Variants in OGDH observed in about 807,000 individuals in gnomAD.
The protein encoded by OGDH is oxoglutarate dehydrogenase.
A neutral mutation model predicts 116.6 loss-of-function variants in OGDH; 38 were observed. The observed-to-expected ratio is 0.33, with a 90% CI of 0.25 to 0.43. The LOEUF (loss-of-function observed/expected upper bound fraction) is 0.43. Among genes scored for constraint, OGDH ranks in the 20% least tolerant of loss-of-function variants. The pLI is 1.00. For missense variants in OGDH, 825 were observed against 1,357.2 expected, an observed-to-expected ratio of 0.61 and a Z score of 6.16; for synonymous variants, 488 against 533.3, an observed-to-expected ratio of 0.92 and a Z score of 1.17.
chr7:44,658,842 T>C (rs1257320089), intron 4 of OGDH, among the ~76,000 whole-genome samples: 1 of 152,124 alleles, frequency 6.6e-6, no homozygotes, highest in Non-Finnish European at 1.5e-5. Flanking sequence ...ATTATTATTA[T>C]TATTATTTTT....
intron 4 of OGDH, among the ~76,000 whole-genome samples, chr7:44,650,358 G>A (rs1440339936): frequency 6.6e-6 from 1 of 152,150 alleles, no homozygotes; most frequent in Non-Finnish European, 1.5e-5. Context: ...CACACTCCCT[G>A]CATTGGAATC....
chr7:44,675,091 G>A (rs566925140), intron 7 of OGDH, 87 bp from the exon 8 acceptor site: 21 of 1,020,930 alleles, frequency 2.1e-5, no homozygotes, highest in Non-Finnish European at 2.9e-5. Context: ...CTGGGGGGAG[G>A]GGGAGGGGGG....
chr7:44,621,408 G>A (rs2117275659), intron 1 of OGDH, among the ~76,000 whole-genome samples: 1 of 152,296 alleles, frequency 6.6e-6, no homozygotes, highest in Admixed American at 6.5e-5. Flanking sequence ...ATGTAAGAGA[G>A]AAAGGTGAAG....
At chr7:44,650,817 C>T (rs962657666) in intron 4 of OGDH, among the ~76,000 whole-genome samples, 2 of 152,184 alleles carry the variant, frequency 1.3e-5, no homozygotes, top group African/African-American at 4.8e-5. Flanking sequence ...AACCTGGTGA[C>T]CTGACCAGTG....
Position 44,645,364 on chromosome 7 carries a change from C to T in OGDH, c.260C>T (p.Ala87Val), listed in dbSNP as rs1429278186. ...DIFFRNTNAG[A>V]PPGTAYQSPL... is the part of the protein sequence containing the mutation. ...TTTTTTCGCAACACGAATGCCGGAG[C>T]CCCACCGGGCACTGCCTACCAGAGT... is the stretch of plus-strand genomic sequence containing the variant. Residue 87 changes from alanine (A) to valine (V), a missense_variant, in exon 3 of 23, where the codon GCC becomes GTC. By Grantham distance (64) the Ala-to-Val change is moderately conservative. This residue lies in a region of OGDH where 126 missense variants were observed against 130.4 expected (regional missense o/e 0.97). Coordinates refer to ENST00000222673, the MANE Select transcript of OGDH (RefSeq NM_002541.4). 1.2e-6 allele frequency: 2 copies of T among 1,614,078 alleles called. No individual in the cohort carries two copies. The highest frequency in any genetic ancestry group is 1.7e-6 in the Non-Finnish European group (2 of 1,180,000).
At position 44,694,454 on chromosome 7, in the gene OGDH, A is replaced by G; in HGVS notation, c.1546A>G (p.Met516Val). Residue 516 changes from methionine to valine, a missense_variant, in exon 12 of 23, where the codon ATG becomes GTG. By Grantham distance (21) the Met-to-Val change is conservative. Coordinates refer to ENST00000222673, the MANE Select transcript of OGDH (RefSeq NM_002541.4). This position sits in a 1 kb window ranked among gnomAD's most constrained non-coding sequence, Gnocchi z 4.2. ...TTACCGGCGCAACGGCCACAACGAG[A>G]TGGATGAGCCCATGTTCACGCAGCC... The part of the protein sequence containing the change: ...VCYRRNGHNE[M>V]DEPMFTQPLM... The G allele has an allele frequency of 6.2e-7, 1 of 1,613,834 alleles. No homozygotes were observed. Among genetic ancestry groups the G allele is most frequent in the East Asian group, 2.2e-5 (1 of 44,846 alleles).
At chr7:44,674,699 G>A (rs529262598) in intron 7 of OGDH, 142 bp downstream of exon 7, 3 of 878,690 alleles carry the variant, frequency 3.4e-6, no homozygotes, top group Admixed American at 2.6e-5. Context: ...ACCTGAGGGT[G>A]TATTGCTTTG....
chr7:44,650,757 C>G (rs1786403184), intron 4 of OGDH, among the ~76,000 whole-genome samples: 1 of 152,138 alleles, frequency 6.6e-6, no homozygotes, highest in South Asian at 2.1e-4. Context: ...CCCAGGAGAA[C>G]TGTTTGCCAG....
chr7:44,671,015 A>G (rs1280570867), intron 5 of OGDH, among the ~76,000 whole-genome samples: 1 of 149,812 alleles, frequency 6.7e-6, no homozygotes. Context: ...CATCTCAAAA[A>G]AAAAAAAAAA....
chr7:44,647,589 C>G, intron 3 of OGDH, 68 bp from the exon 4 acceptor site: 2 of 1,578,776 alleles, frequency 1.3e-6, no homozygotes, highest in East Asian at 2.2e-5. Context: ...TTTTTTTACC[C>G]CTTCCCTCTT....
chr7:44,628,171 T>C (rs1014685373), intron 2 of OGDH, among the ~76,000 whole-genome samples: 1 of 152,200 alleles, frequency 6.6e-6, no homozygotes, highest in African/African-American at 2.4e-5. Flanking sequence ...CACTGGAGTA[T>C]TTTAAGGCAA....
chr7:44,661,571 A>AT (rs915080506), intron 4 of OGDH, among the ~76,000 whole-genome samples: 2 of 150,398 alleles, frequency 1.3e-5, no homozygotes, highest in African/African-American at 2.4e-5. Context: ...ACATTTAAAA[A>AT]TTTTTTTTTA....
chr7:44,631,856 C>T (rs924493431), intron 2 of OGDH, among the ~76,000 whole-genome samples: 23 of 151,220 alleles, frequency 1.5e-4, no homozygotes, highest in African/African-American at 5.1e-4. Flanking sequence ...CTTTCTCTCT[C>T]CTCTCTCTCC....
chr7:44,684,521 C>T (rs1314922875), intron 10 of OGDH, among the ~76,000 whole-genome samples: 1 of 152,132 alleles, frequency 6.6e-6, no homozygotes. Context: ...CACTTACTGC[C>T]TACTGTGTCC....
At chr7:44,620,404 T>C (rs1784967045) in intron 1 of OGDH, among the ~76,000 whole-genome samples, 1 of 152,250 alleles carries the variant, frequency 6.6e-6, no homozygotes, top group Non-Finnish European at 1.5e-5. Context: ...AATACATTGC[T>C]TGAATCAAGG....
chr7:44,626,470 C>A (rs1364121468), intron 2 of OGDH, among the ~76,000 whole-genome samples: 2 of 152,142 alleles, frequency 1.3e-5, no homozygotes, highest in Non-Finnish European at 2.9e-5. Context: ...TCAAACATAA[C>A]CTTTTCTTGG....
intron 18 of OGDH, among the ~76,000 whole-genome samples, chr7:44,698,742 G>A (rs1788697114): frequency 6.6e-6 from 1 of 151,866 alleles, no homozygotes; most frequent in African/African-American, 2.4e-5. Flanking sequence ...TTGGGAGGCT[G>A]AGGTGGGAGG....
rs963796346 is a variant in OGDH at position 44,656,639 on chromosome 7, A to T, written c.517+8880A>T. Among the ~76,000 whole-genome samples the T allele has an allele frequency of 2.6e-5, 4 of 152,170 alleles. 1 individual carries two copies. Among genetic ancestry groups the T allele is most frequent in the Admixed American group, 1.3e-4 (2 of 15,268 alleles). On this transcript the variant is annotated intron_variant, in intron 4 of 22. Transcript: ENST00000222673. Reference sequence around the variant, plus strand: ...CTTCATCGCTTCACTGTGAGCTGCCATCTTCAGCATAATTCACCTTTAGCT... The same window carrying T: ...CTTCATCGCTTCACTGTGAGCTGCCTTCTTCAGCATAATTCACCTTTAGCT...
intron 4 of OGDH, among the ~76,000 whole-genome samples, chr7:44,661,374 G>A (rs1786932290): frequency 6.6e-6 from 1 of 151,966 alleles, no homozygotes; most frequent in East Asian, 1.9e-4. Context: ...AAGCATATAG[G>A]TGGGTTTTGT....
Sources: gnomAD v4.1 joint callset for allele counts (sites outside exome capture counted in the v4.1 genomes callset) on GRCh38, gnomAD v4.1.1 for gene constraint, gnomAD v4.1.1 regional missense constraint, Gnocchi (gnomAD v3.1) non-coding constraint, MANE v1.5 for transcripts, NCBI Gene and HGNC (gene_info 2026-07-23, HGNC 2026-07-21) for gene names.